The following CSTL1 variants were observed in gnomAD, a reference collection of about 807,000 sequenced individuals.
The protein encoded by CSTL1 is cystatin like 1.
In CSTL1, 14 loss-of-function variants were observed where a neutral mutation model predicts 14.4. The observed-to-expected ratio is 0.97, with a 90% CI of 0.64 to 1.52. The LOEUF (loss-of-function observed/expected upper bound fraction) is 1.52. CSTL1 is among the 40% of genes most tolerant of loss of function. The pLI, the probability that CSTL1 is intolerant of heterozygous loss-of-function variation, is 0.00. For missense variants in CSTL1, 170 were observed against 168.7 expected, an observed-to-expected ratio of 1.01 and a Z score of -0.04; for synonymous variants, 72 against 67.5, an observed-to-expected ratio of 1.07 and a Z score of -0.33.
chr20:23,448,722 C>G (rs1411655831), downstream of CSTL1, among the ~76,000 whole-genome samples: 3 of 152,182 alleles, frequency 2.0e-5, no homozygotes, highest in Non-Finnish European at 2.9e-5. Flanking sequence ...GTAATGCCTG[C>G]CTTGGGGACA....
chr20:23,451,293 G>A, the CSTL1 span, among the ~76,000 whole-genome samples: 3 of 135,670 alleles, frequency 2.2e-5, no homozygotes, highest in African/African-American at 1.0e-4. Flanking sequence ...GCCTTCGGGG[G>A]TGGTGGCTTC....
At chr20:23,452,702 A>T in the CSTL1 span, 1 of 1,613,872 alleles carries the variant, frequency 6.2e-7, no homozygotes. Flanking sequence ...TACTGCCATC[A>T]CTTCATGGAC....
chr20:23,444,936 C>A, downstream of CSTL1: 2 of 1,178,158 alleles, frequency 1.7e-6, no homozygotes, highest in Non-Finnish European at 2.5e-6. Flanking sequence ...GATCATGTCT[C>A]CCTCATTGGG....
At chr20:23,457,801 T>C in the CSTL1 span, 2 of 152,212 alleles carry the variant, frequency 1.3e-5, no homozygotes, top group African/African-American at 2.4e-5. Context: ...AGTTCCCTTT[T>C]TGAAGTGTGA....
At chr20:23,454,630 T>C in the CSTL1 span, among the ~76,000 whole-genome samples, 1 of 152,198 alleles carries the variant, frequency 6.6e-6, no homozygotes. Context: ...CTGTCTGTGC[T>C]TCCAGGACGG....
chr20:23,455,988 T>C, the CSTL1 span, among the ~76,000 whole-genome samples: 1 of 152,160 alleles, frequency 6.6e-6, no homozygotes, highest in African/African-American at 2.4e-5. Flanking sequence ...CAAACTCTTC[T>C]CCAAGCCCAA....
the CSTL1 span, among the ~76,000 whole-genome samples, chr20:23,453,404 A>G: frequency 6.6e-6 from 1 of 152,162 alleles, no homozygotes; most frequent in Non-Finnish European, 1.5e-5. Flanking sequence ...CAAGTCCTAG[A>G]GTGGCCTCCG....
chr20:23,440,974 G>T, intron 2 of CSTL1: 1 of 232,542 alleles, frequency 4.3e-6, no homozygotes, highest in South Asian at 5.2e-5. Flanking sequence ...AGCCAAGCTG[G>T]TCTCGAACTC....
chr20:23,442,003 C>A (rs1347868295), intron 2 of CSTL1, among the ~76,000 whole-genome samples: 4 of 152,234 alleles, frequency 2.6e-5, no homozygotes, highest in Non-Finnish European at 5.9e-5. Context: ...GGCACTTCTA[C>A]CACAAGATGG....
chr20:23,460,755 A>G, the CSTL1 span, among the ~76,000 whole-genome samples: 3 of 152,332 alleles, frequency 2.0e-5, no homozygotes, highest in Middle Eastern at 3.4e-3. Context: ...AAAATGGGTT[A>G]GGGAAACAGT....
chr20:23,458,572 A>C, the CSTL1 span: 1 of 152,148 alleles, frequency 6.6e-6, no homozygotes, highest in East Asian at 1.9e-4. Context: ...AAATTGAACG[A>C]ATGCAGCTCT....
chr20:23,441,902 C>T (rs1986841812), intron 2 of CSTL1, among the ~76,000 whole-genome samples: 1 of 152,158 alleles, frequency 6.6e-6, no homozygotes. Context: ...CAGAGAGAAC[C>T]GGCAAGGCGG....
intron 2 of CSTL1, 82 bp from the exon 3 acceptor site, chr20:23,443,852 C>T (rs2123314874): frequency 2.0e-6 from 2 of 982,964 alleles, no homozygotes; most frequent in African/African-American, 1.6e-5. Flanking sequence ...GGGAGCTTTA[C>T]TCTCAGTCCT....
the CSTL1 span, among the ~76,000 whole-genome samples, chr20:23,455,736 G>T: frequency 6.6e-6 from 1 of 152,226 alleles, no homozygotes; most frequent in African/African-American, 2.4e-5. Flanking sequence ...CACCAAAGAA[G>T]CCGGGCCAGG....
chr20:23,458,776 T>C, the CSTL1 span: 1 of 152,222 alleles, frequency 6.6e-6, no homozygotes, highest in Admixed American at 6.6e-5. Flanking sequence ...TGGGTTTTGT[T>C]TTGTGGGTCT....
chr20:23,445,062 C>T (rs1054896950), downstream of CSTL1: 3 of 640,304 alleles, frequency 4.7e-6, no homozygotes, highest in Non-Finnish European at 8.5e-6. Flanking sequence ...GACACCCTCA[C>T]ACTCTCACCA....
the CSTL1 span, among the ~76,000 whole-genome samples, chr20:23,453,503 T>C: frequency 1.4e-4 from 21 of 152,074 alleles, no homozygotes; most frequent in East Asian, 2.1e-3. Context: ...CATTCTGGTC[T>C]CCTAAAGGTC....
At chr20:23,447,888 T>C (rs947120843), downstream of CSTL1, among the ~76,000 whole-genome samples, 3 of 152,260 alleles carry the variant, frequency 2.0e-5, no homozygotes, top group African/African-American at 7.2e-5. Flanking sequence ...TAATTTGTTT[T>C]TCTAATGTTA....
chr20:23,454,591 A>G, the CSTL1 span, among the ~76,000 whole-genome samples: 2 of 152,194 alleles, frequency 1.3e-5, no homozygotes, highest in Non-Finnish European at 2.9e-5. Context: ...CACAGAGCGA[A>G]CACTGTGGAA....
Sources: allele counts gnomAD v4.1 joint callset (sites outside exome capture counted in the v4.1 genomes callset), GRCh38; gene constraint gnomAD v4.1.1; transcripts MANE v1.5; gene names NCBI Gene and HGNC (gene_info 2026-07-23, HGNC 2026-07-21).